The following PCDHA8 variants were observed in gnomAD, a reference collection of about 807,000 sequenced individuals.
The protein encoded by PCDHA8 is protocadherin alpha-8.
Under a neutral mutation model 61.8 loss-of-function variants are expected in PCDHA8, and 53 were observed. The observed-to-expected ratio is 0.86, with a 90% CI of 0.69 to 1.08. PCDHA8 has a LOEUF of 1.08. Ranked by LOEUF, PCDHA8 falls within the 50% of genes least tolerant of loss-of-function variation. PCDHA8 has a pLI of 0.00. For missense variants in PCDHA8, 1,293 were observed against 1,245.0 expected, an observed-to-expected ratio of 1.04 and a Z score of -0.58; for synonymous variants, 618 against 556.6, an observed-to-expected ratio of 1.11 and a Z score of -1.55.
In PCDHA8 at chr5:140,842,019, T is replaced by C. The variant is rs1554138721; in HGVS notation, c.698T>C (p.Leu233Pro). The C allele has an allele frequency of 1.9e-6, 3 of 1,613,812 alleles. No homozygotes were observed. The highest frequency in any genetic ancestry group is 1.6e-4 in the Middle Eastern group (1 of 6,062). ...ACTGTTCAGCTGCTGGTCACAGTGC[T>C]GGATGTGAATGATAATGCTCCCACT... Reference protein sequence around the residue: ...TGTVQLLVTVLDVNDNAPTFE... With the variant: ...TGTVQLLVTVPDVNDNAPTFE... The change falls in exon 1 of 4, where the codon CTG (leucine) becomes CCG (proline). Residue 233 changes from leucine (L) to proline (P), a missense_variant. By Grantham distance (98) the Leu-to-Pro change is moderately conservative (BLOSUM62 -3). Transcript: ENST00000531613.
At chr5:140,993,616 C>A (rs1554253872) in intron 3 of PCDHA8, among the ~76,000 whole-genome samples, 2 of 151,688 alleles carry the variant, frequency 1.3e-5, no homozygotes, top group Admixed American at 6.6e-5. Context: ...TTGTTGGGAC[C>A]CTCTATATAT....
intron 3 of PCDHA8, among the ~76,000 whole-genome samples, chr5:140,985,438 C>T (rs1438547429): frequency 2.0e-5 from 3 of 152,038 alleles, no homozygotes; most frequent in Non-Finnish European, 2.9e-5. Flanking sequence ...TTAGTTGCTG[C>T]CTGAAGAAAA....
rs2150343018 is a variant in PCDHA8 at position 140,842,724 on chromosome 5, A to G, written c.1403A>G (p.Asn468Ser). Residue 468 changes from asparagine to serine, a missense_variant, in exon 1 of 4, where the codon AAC (asparagine) becomes AGC (serine). Asn to Ser is a conservative substitution (Grantham distance 46). Coordinates refer to ENST00000531613, the MANE Select transcript of PCDHA8 (RefSeq NM_018911.3). ...TACACGGTGTTCGTGAAGGAGAACA[A>G]CCCGCCGGGCTGCCACATCTTCACG... is the stretch of plus-strand genomic sequence containing the variant. ...PEYTVFVKEN[N>S]PPGCHIFTVS... 6.3e-7 allele frequency: 1 copy of G among 1,594,394 alleles called. No homozygotes were observed. The highest frequency in any genetic ancestry group is 1.7e-5 in the Admixed American group (1 of 59,246).
chr5:140,848,483 C>CT, intron 1 of PCDHA8: 1 of 1,570,026 alleles, frequency 6.4e-7, no homozygotes. Flanking sequence ...TAGAAGAAGA[C>CT]TGAGTATTTG....
At chr5:140,922,839 C>T (rs2081023123) in intron 1 of PCDHA8, among the ~76,000 whole-genome samples, 1 of 152,140 alleles carries the variant, frequency 6.6e-6, no homozygotes, top group South Asian at 2.1e-4. Context: ...TAGATGTCCT[C>T]AAAGAGACCA....
intron 1 of PCDHA8, chr5:140,882,363 A>G: frequency 1.2e-6 from 2 of 1,614,208 alleles, no homozygotes; most frequent in South Asian, 1.1e-5. Context: ...GGCCAGCTCC[A>G]CTACTCCGTC....
At chr5:140,879,864 T>C (rs2058152773) in intron 1 of PCDHA8, among the ~76,000 whole-genome samples, 1 of 152,226 alleles carries the variant, frequency 6.6e-6, no homozygotes, top group Admixed American at 6.5e-5. Flanking sequence ...CCTTCTCAGC[T>C]TTCATGGTCA....
chr5:140,998,679 C>G (rs969303770), intron 3 of PCDHA8, among the ~76,000 whole-genome samples: 1 of 152,136 alleles, frequency 6.6e-6, no homozygotes, highest in Non-Finnish European at 1.5e-5. Flanking sequence ...ATTCTCCTGC[C>G]TCAGCCTCCC....
At chr5:140,869,267 A>G in intron 1 of PCDHA8, 1 of 1,613,490 alleles carries the variant, frequency 6.2e-7, no homozygotes, top group South Asian at 1.1e-5. Flanking sequence ...CTGGGGCTGG[A>G]GCTGGCGGAG....
intron 3 of PCDHA8, among the ~76,000 whole-genome samples, chr5:141,009,257 C>G (rs1375950001): frequency 6.6e-6 from 1 of 152,136 alleles, no homozygotes; most frequent in Non-Finnish European, 1.5e-5. Flanking sequence ...GTGTTTGAGA[C>G]CAGCCTGGGC....
At chr5:140,983,138 G>C (rs1217034245) in intron 3 of PCDHA8, among the ~76,000 whole-genome samples, 1 of 152,170 alleles carries the variant, frequency 6.6e-6, no homozygotes, top group Non-Finnish European at 1.5e-5. Flanking sequence ...CTGACTTTTA[G>C]TGCCTTGGCA....
intron 1 of PCDHA8, chr5:140,856,192 G>A (rs782508103): frequency 1.9e-6 from 3 of 1,598,180 alleles, no homozygotes; most frequent in Non-Finnish European, 1.7e-6. Context: ...GCCGCATCGC[G>A]CAGGACCTGG....
intron 1 of PCDHA8, chr5:140,928,001 A>T (rs1252162846): frequency 6.2e-7 from 1 of 1,614,034 alleles, no homozygotes; most frequent in Non-Finnish European, 8.5e-7. Flanking sequence ...GAAGACCTCG[A>T]TTCTAATGGT....
At chr5:140,876,773 C>A (rs782103064) in intron 1 of PCDHA8, 2 of 1,614,226 alleles carry the variant, frequency 1.2e-6, no homozygotes, top group South Asian at 2.2e-5. Context: ...GGCTCGCCTT[C>A]GCTGTGGGCC....
intron 1 of PCDHA8, among the ~76,000 whole-genome samples, chr5:140,899,982 A>T (rs185115696): frequency 3.3e-4 from 49 of 150,716 alleles, no homozygotes; most frequent in African/African-American, 1.1e-3. Flanking sequence ...TACTTTTTTG[A>T]TTTTTTTTGT....
chr5:140,868,121 C>T (rs920378220), intron 1 of PCDHA8: 1 of 151,814 alleles, frequency 6.6e-6, no homozygotes, highest in Non-Finnish European at 1.5e-5. Flanking sequence ...AGTTGAAAAG[C>T]CTATTTCTGT....
chr5:140,980,598 C>G (rs574589264), intron 2 of PCDHA8, among the ~76,000 whole-genome samples: 1 of 152,152 alleles, frequency 6.6e-6, no homozygotes, highest in South Asian at 2.1e-4. Flanking sequence ...CCACTGCACT[C>G]CAGCCTGGCG....
chr5:140,858,019 G>A (rs377389644), intron 1 of PCDHA8: 1 of 1,596,850 alleles, frequency 6.3e-7, no homozygotes, highest in Non-Finnish European at 8.6e-7. Flanking sequence ...GCGAGCCGTC[G>A]CTGACGGCCA....
At chr5:140,954,340 G>A (rs2095020682) in intron 1 of PCDHA8, among the ~76,000 whole-genome samples, 1 of 152,176 alleles carries the variant, frequency 6.6e-6, no homozygotes, top group Non-Finnish European at 1.5e-5. Flanking sequence ...TCTGCCTCTA[G>A]ATCTTTGAGG....
Sources: allele counts gnomAD v4.1 joint callset (sites outside exome capture counted in the v4.1 genomes callset), GRCh38; gene constraint gnomAD v4.1.1; transcripts MANE v1.5; gene names NCBI Gene and HGNC (gene_info 2026-07-23, HGNC 2026-07-21).